The following LIMCH1 variants were observed in gnomAD, a reference collection of about 807,000 sequenced individuals.
LIMCH1 encodes LIM and calponin homology domains-containing protein 1.
A neutral mutation model predicts 176.5 loss-of-function variants in LIMCH1; 113 were observed. That is an observed-to-expected ratio of 0.64 (90% CI 0.55 to 0.75). The LOEUF (loss-of-function observed/expected upper bound fraction) is 0.75, where lower values mean the gene tolerates loss of function less well. LIMCH1 is among the 30% of genes least tolerant of loss of function. The pLI is 0.00. For synonymous variants in LIMCH1, 619 were observed against 645.9 expected (o/e 0.96, Z 0.63); for missense variants, 1,674 against 1,814.9 (o/e 0.92, Z 1.41).
At chr4:41,405,437 C>T (rs2058862740) in intron 1 of LIMCH1, among the ~76,000 whole-genome samples, 1 of 152,104 alleles carries the variant, frequency 6.6e-6, no homozygotes, top group Admixed American at 6.5e-5. Context: ...ATAGTGGGGT[C>T]CTTGAGTGCA....
intron 1 of LIMCH1, among the ~76,000 whole-genome samples, chr4:41,368,374 A>G (rs1220997943): frequency 1.3e-5 from 2 of 152,222 alleles, no homozygotes; most frequent in African/African-American, 4.8e-5. Context: ...AAATAAACAT[A>G]CTTCCTGCCC....
At chr4:41,595,197 G>A (rs2088506178) in intron 1 of LIMCH1, among the ~76,000 whole-genome samples, 1 of 152,186 alleles carries the variant, frequency 6.6e-6, no homozygotes, top group Non-Finnish European at 1.5e-5. Flanking sequence ...ACAGAGCCAA[G>A]TAAGTTAAGA....
chr4:41,647,850 A>G (rs1185464397), intron 17 of LIMCH1, among the ~76,000 whole-genome samples: 1 of 152,244 alleles, frequency 6.6e-6, no homozygotes, highest in African/African-American at 2.4e-5. Context: ...TGATAGAACA[A>G]AAATGTCCAG....
At position 41,633,027 on chromosome 4, in the gene LIMCH1, C is replaced by T. The variant is rs564411667; in HGVS notation, c.1771C>T (p.Pro591Ser). ...QDGKEETESA[P>S]RDSERLSKAE... ...TGGCAAAGAAGAAACAGAAAGCGCT[C>T]CAAGAGATTCTGAGAGGCTGTCAAA... Residue 591 changes from proline (P) to serine (S), a missense_variant, in exon 12 of 32, where the codon CCA (proline) becomes TCA (serine). By Grantham distance (74) the Pro-to-Ser change is moderately conservative (BLOSUM62 -1). Coordinates refer to ENST00000503057, the MANE Select transcript of LIMCH1 (RefSeq NM_001330672.2). 1 of 1,536,050 alleles carries T rather than the reference C, an allele frequency of 6.5e-7. No homozygotes were observed. Among genetic ancestry groups the T allele is most frequent in the Non-Finnish European group, 8.7e-7 (1 of 1,146,906 alleles).
chr4:41,499,026 T>C (rs2072738321), intron 2 of LIMCH1, among the ~76,000 whole-genome samples: 2 of 152,228 alleles, frequency 1.3e-5, no homozygotes, highest in African/African-American at 4.8e-5. Flanking sequence ...CTTTGCCAGT[T>C]CTAAAGGACT....
chr4:41,613,734 G>T, intron 5 of LIMCH1, 73 bp downstream of exon 5: 1 of 1,324,420 alleles, frequency 7.6e-7, no homozygotes, highest in Non-Finnish European at 1.1e-6. Context: ...GCCTGGCAGA[G>T]GGATGGGCAC....
At chr4:41,412,430 A>G (rs969638759) in intron 1 of LIMCH1, among the ~76,000 whole-genome samples, 4 of 152,168 alleles carry the variant, frequency 2.6e-5, no homozygotes, top group Non-Finnish European at 5.9e-5. Flanking sequence ...TAATCCCAGT[A>G]TCTACAGAGG....
upstream of LIMCH1, among the ~76,000 whole-genome samples, chr4:41,536,978 T>C (rs1394349691): frequency 6.6e-6 from 1 of 152,220 alleles, no homozygotes. Flanking sequence ...TGAGTTATAC[T>C]GAAACTCTGC....
rs201179645 is a variant in LIMCH1 at position 41,416,497 on chromosome 4, C to CAA, written c.96+55571_96+55572dup. 2.4e-4 allele frequency among the ~76,000 whole-genome samples: 34 copies of CAA among 143,200 alleles called. 1 individual carries two copies. The South Asian group carries it at 5.5e-3, about 23-fold the overall frequency. 93.9% of individuals were successfully genotyped at this position (143,200 alleles called of 152,430 possible). On this transcript the variant is annotated intron_variant, in intron 1 of 26. Coordinates refer to the LIMCH1 transcript ENST00000313860. ...TGAAACCTCATCTCTACTAAAAATA[C>CAA]AAAAAAAAAAATTAGCTGGGTGTGG...
In LIMCH1 at chr4:41,502,897, C is replaced by T. The variant is rs187861035; in HGVS notation, c.167+8291C>T. On this transcript the variant is annotated intron_variant, in intron 2 of 26. Transcript: ENST00000313860. ...TGTGATTGGTTTATGTGAATAAGCA[C>T]GGAGGTAAATCACACACACACACAC... 8.4e-5 allele frequency among the ~76,000 whole-genome samples: 12 copies of T among 143,552 alleles called. No individual in the cohort carries two copies. The East Asian group carries it at 2.0e-3, about 24-fold the overall frequency. The allele number at this position is 143,552 out of a possible 152,430, so 94.2% of individuals were successfully genotyped here.
At chr4:41,497,509 A>T (rs2154177157) in intron 2 of LIMCH1, among the ~76,000 whole-genome samples, 1 of 152,350 alleles carries the variant, frequency 6.6e-6, no homozygotes, top group East Asian at 1.9e-4. Flanking sequence ...ACAGATAAAA[A>T]GTATTTAAGT....
intron 7 of LIMCH1, among the ~76,000 whole-genome samples, chr4:41,623,729 C>A (rs994383651): frequency 1.3e-5 from 2 of 152,162 alleles, no homozygotes; most frequent in Admixed American, 6.5e-5. Context: ...TCACTGCACT[C>A]CAGCCTGGGC....
chr4:41,562,538 C>T (rs1406787986), intron 1 of LIMCH1, among the ~76,000 whole-genome samples: 1 of 152,172 alleles, frequency 6.6e-6, no homozygotes, highest in Non-Finnish European at 1.5e-5. Context: ...TGGGTCCAGT[C>T]ATTCTGTCCC....
chr4:41,518,549 G>T (rs543632705), intron 2 of LIMCH1, among the ~76,000 whole-genome samples: 27 of 152,242 alleles, frequency 1.8e-4, no homozygotes, highest in Admixed American at 3.9e-4. Context: ...TCATTCCTGG[G>T]TGTCTCAACA....
intron 1 of LIMCH1, among the ~76,000 whole-genome samples, chr4:41,481,966 T>C (rs1485905880): frequency 1.3e-5 from 2 of 151,962 alleles, no homozygotes; most frequent in East Asian, 3.9e-4. Context: ...TTCTTCTGCC[T>C]CAGCCTCCTG....
chr4:41,501,246 T>C (rs954815219), intron 2 of LIMCH1, among the ~76,000 whole-genome samples: 3 of 152,234 alleles, frequency 2.0e-5, no homozygotes, highest in Non-Finnish European at 4.4e-5. Flanking sequence ...AGCATAGATA[T>C]ATGTGGATGA....
intron 1 of LIMCH1, among the ~76,000 whole-genome samples, chr4:41,408,435 A>G (rs1290939687): frequency 6.6e-6 from 1 of 152,208 alleles, no homozygotes; most frequent in African/African-American, 2.4e-5. Context: ...AGAAGCTGCA[A>G]AACTCTTACT....
At chr4:41,509,898 A>G (rs1379697027) in intron 2 of LIMCH1, among the ~76,000 whole-genome samples, 1 of 152,212 alleles carries the variant, frequency 6.6e-6, no homozygotes, top group Non-Finnish European at 1.5e-5. Context: ...CATCAATTAC[A>G]AAGTCTACTC....
rs2090327520 is a variant in LIMCH1 at position 41,603,884 on chromosome 4, T to C, written c.-124T>C. The C allele has an allele frequency of 6.2e-7, 1 of 1,606,826 alleles. No homozygotes were observed. The highest frequency in any genetic ancestry group is 1.3e-5 in the African/African-American group (1 of 74,808). ...CCCTTTCCTTGACTAGGAGCCTTGA[T>C]TATAGTAGGAAGCTGAAAAATGTAA... On this transcript the variant is annotated 5_prime_UTR_variant, in exon 3 of 32. Transcript: ENST00000503057.
Sources: allele counts gnomAD v4.1 joint callset (sites outside exome capture counted in the v4.1 genomes callset), GRCh38; gene constraint gnomAD v4.1.1; transcripts MANE v1.5; gene names NCBI Gene and HGNC (gene_info 2026-07-23, HGNC 2026-07-21).